NUSAP1: variants seen among roughly 807,000 people sequenced by gnomAD.
NUSAP1 encodes the protein nucleolar and spindle associated protein 1, also known as nucleolar and spindle-associated protein 1.
NUSAP1 carries 32 observed loss-of-function variants against 52.8 expected under a neutral mutation model. That is an observed-to-expected ratio of 0.61 (90% CI 0.46 to 0.81). The LOEUF is 0.81. Ranked by LOEUF, NUSAP1 falls within the 40% of genes least tolerant of loss-of-function variation. The pLI, the probability that NUSAP1 is intolerant of heterozygous loss-of-function variation, is 0.00. For synonymous variants in NUSAP1, 195 were observed against 183.1 expected (o/e 1.06, Z -0.52); for missense variants, 499 against 522.3 (o/e 0.96, Z 0.43).
At chr15:41,345,430 T>G (rs2048528575) in intron 2 of NUSAP1, 5 of 417,180 alleles carry the variant, frequency 1.2e-5, no homozygotes, top group African/African-American at 2.1e-5. Context: ...AAAAAATCTC[T>G]TCTCCTTTGA....
chr15:41,371,914 A>C (rs186902397), intron 8 of NUSAP1, among the ~76,000 whole-genome samples: 1 of 151,944 alleles, frequency 6.6e-6, no homozygotes, highest in Admixed American at 6.6e-5. Context: ...GGGACTACAG[A>C]CACATGCCAC....
At position 41,336,854 on chromosome 15, in the gene NUSAP1, T is replaced by C. The variant is rs553318928; in HGVS notation, c.93+3804T>C. Among the ~76,000 whole-genome samples, 46 of 151,786 alleles carry C rather than the reference T, an allele frequency of 3.0e-4. 1 individual carries two copies. In the South Asian group the frequency reaches 9.1e-3, roughly 30 times the overall value. ...TGAACTTTCCTACTTTTGAGGATAATTACTTTTTATCATCTTGACTCAACT... is the reference window on the plus strand; with the variant it reads ...TGAACTTTCCTACTTTTGAGGATAACTACTTTTTATCATCTTGACTCAACT... On this transcript the variant is annotated intron_variant, in intron 1 of 10. Transcript: ENST00000559596.
intron 10 of NUSAP1, among the ~76,000 whole-genome samples, chr15:41,377,810 G>A (rs1213608463): frequency 2.0e-5 from 3 of 150,546 alleles, no homozygotes; most frequent in East Asian, 3.9e-4. Flanking sequence ...GACCATCCTG[G>A]CTAACGCATT....
chr15:41,333,947 TAGA>T (rs952120810), intron 1 of NUSAP1, among the ~76,000 whole-genome samples: 3 of 152,118 alleles, frequency 2.0e-5, no homozygotes, highest in Non-Finnish European at 2.9e-5. Context: ...CCCAAGATGT[TAGA>T]AGAAGATTTG....
intron 8 of NUSAP1, among the ~76,000 whole-genome samples, chr15:41,373,461 T>C (rs1163332997): frequency 1.3e-5 from 2 of 149,878 alleles, no homozygotes; most frequent in Non-Finnish European, 3.0e-5. Flanking sequence ...TTTTTTTTTT[T>C]TTTTTTGAGA....
At position 41,371,572 on chromosome 15, in the gene NUSAP1, C is replaced by G; in HGVS notation, c.894C>G (p.Thr298=). 1 of 1,610,510 alleles carries G rather than the reference C, an allele frequency of 6.2e-7. No homozygotes were observed. The highest frequency in any genetic ancestry group is 8.5e-7 in the Non-Finnish European group (1 of 1,178,952). ...ATAATGAGCATAAGCGTTCACTGAC[C>G]AAGACTCCAGCCAGAAAGTCTGCAC... The part of the protein sequence containing the change: ...TKDNEHKRSL[T]KTPARKSAHV... Residue 298 remains threonine, a synonymous_variant, in exon 8 of 11, where the codon ACC becomes ACG. Coordinates refer to ENST00000559596, the MANE Select transcript of NUSAP1 (RefSeq NM_016359.5).
intron 4 of NUSAP1, among the ~76,000 whole-genome samples, chr15:41,352,430 T>G (rs1029981272): frequency 1.3e-5 from 2 of 152,114 alleles, no homozygotes; most frequent in Non-Finnish European, 2.9e-5. Context: ...ACCAAGCAGT[T>G]AAATCTGGAA....
intron 1 of NUSAP1, among the ~76,000 whole-genome samples, chr15:41,340,766 A>G (rs551982007): frequency 6.6e-6 from 1 of 152,348 alleles, no homozygotes; most frequent in African/African-American, 2.4e-5. Flanking sequence ...TTCAAGGAAC[A>G]AGTAGAAAAT....
intron 10 of NUSAP1, among the ~76,000 whole-genome samples, chr15:41,378,943 G>GTTTTTTTTTTTTTTTTT (rs1453721233): frequency 1.6e-5 from 1 of 62,824 alleles, no homozygotes; most frequent in Non-Finnish European, 2.7e-5. Context: ...AACTTATCTT[G>GTTTTTTTTTTTTTTTTT]GTTTTTTTTT....
chr15:41,377,487 CAGG>C (rs1438909031), intron 10 of NUSAP1, among the ~76,000 whole-genome samples, 183 bp downstream of exon 10: 61 of 147,170 alleles, frequency 4.1e-4, no homozygotes, highest in East Asian at 1.4e-3. Flanking sequence ...AACACGAGGT[CAGG>C]AGATCGAAAC....
chr15:41,357,031 C>A (rs984086958), intron 5 of NUSAP1, among the ~76,000 whole-genome samples: 4 of 152,112 alleles, frequency 2.6e-5, no homozygotes, highest in African/African-American at 9.7e-5. Flanking sequence ...TGTCTTATAT[C>A]CTTTGAGCTA....
At chr15:41,348,997 T>C (rs767934486) in intron 2 of NUSAP1, 101 bp from the exon 3 acceptor site, 232 of 1,210,284 alleles carry the variant, frequency 1.9e-4, no homozygotes, top group Non-Finnish European at 2.5e-4. Flanking sequence ...ATTTTTTCTT[T>C]TGCATATGTA....
At position 41,350,969 on chromosome 15, in the gene NUSAP1, T is replaced by C; in HGVS notation, c.307-19T>C. On this transcript the variant is annotated intron_variant, in intron 3 of 10. Transcript: ENST00000559596. ...CTTATTTATCATCGAAATCTTTTAT[T>C]TCCTTTTTAAATTTGTAGCAGAATC... The C allele has an allele frequency of 6.3e-7, 1 of 1,588,336 alleles. No homozygotes were observed.
At chr15:41,336,555 C>G (rs949708499) in intron 1 of NUSAP1, among the ~76,000 whole-genome samples, 1 of 151,572 alleles carries the variant, frequency 6.6e-6, no homozygotes, top group Non-Finnish European at 1.5e-5. Flanking sequence ...GCAGCTAACT[C>G]TAGTTGGAGA....
intron 3 of NUSAP1, among the ~76,000 whole-genome samples, chr15:41,350,768 C>T (rs1595552532): frequency 6.6e-6 from 1 of 152,094 alleles, no homozygotes; most frequent in Admixed American, 6.6e-5. Flanking sequence ...GCTAATCTTG[C>T]CATTTCTATT....
chr15:41,342,063 A>G (rs1443764235), intron 1 of NUSAP1, among the ~76,000 whole-genome samples: 1 of 152,186 alleles, frequency 6.6e-6, no homozygotes, highest in African/African-American at 2.4e-5. Flanking sequence ...TCTTTATCTG[A>G]GAACTGCCCT....
At chr15:41,354,768 C>G (rs1316739939) in intron 4 of NUSAP1, among the ~76,000 whole-genome samples, 3 of 151,082 alleles carry the variant, frequency 2.0e-5, no homozygotes, top group Admixed American at 6.6e-5. Flanking sequence ...CCTGTAATCC[C>G]AGCACTTTGG....
intron 3 of NUSAP1, among the ~76,000 whole-genome samples, chr15:41,349,955 C>T (rs947631158): frequency 2.0e-5 from 3 of 151,798 alleles, no homozygotes; most frequent in African/African-American, 7.3e-5. Flanking sequence ...TTAGTAGAGA[C>T]GAGATTTCAC....
rs1555432065 is a variant in NUSAP1 at position 41,371,698 on chromosome 15, AAAAC to A, written c.1006+18_1006+21del. 3 of 1,557,648 alleles carry A rather than the reference AAAAC, an allele frequency of 1.9e-6. No homozygotes were observed. The highest frequency in any genetic ancestry group is 2.2e-5 in the Admixed American group (1 of 46,148). ...ATTCTGCTGCTGGTAAAAAAAAAAAAAAACAAAAGAAATCTGTTTCATTTTTAAG... is the reference window on the plus strand; with the variant it reads ...ATTCTGCTGCTGGTAAAAAAAAAAAAAAAAGAAATCTGTTTCATTTTTAAG... On this transcript the variant is annotated intron_variant, in intron 8 of 10. Transcript: ENST00000559596.
Sources: gnomAD v4.1 joint callset for allele counts (sites outside exome capture counted in the v4.1 genomes callset) on GRCh38, gnomAD v4.1.1 for gene constraint, MANE v1.5 for transcripts, NCBI Gene and HGNC (gene_info 2026-07-23, HGNC 2026-07-21) for gene names.